Variants in AHI1 observed in about 807,000 individuals in gnomAD.
The protein encoded by AHI1 is jouberin.
Under a neutral mutation model 149.3 loss-of-function variants are expected in AHI1, and 123 were observed. The observed-to-expected ratio is 0.82, with a 90% CI of 0.71 to 0.96. The LOEUF is 0.96. Among genes scored for constraint, AHI1 ranks in the 40% least tolerant of loss-of-function variants. The pLI, the probability that AHI1 is intolerant of heterozygous loss-of-function variation, is 0.00. For missense variants in AHI1, 1,439 were observed against 1,422.7 expected, an observed-to-expected ratio of 1.01 and a Z score of -0.18; for synonymous variants, 475 against 459.8, an observed-to-expected ratio of 1.03 and a Z score of -0.42.
At chr6:135,442,432 A>G (rs1786449710) in intron 14 of AHI1, 150 bp downstream of exon 14, 1 of 822,076 alleles carries the variant, frequency 1.2e-6, no homozygotes, top group Non-Finnish European at 1.7e-6. Context: ...AATTATTACA[A>G]AAGAACTTTC....
chr6:135,317,753 C>T (rs562643783), intron 26 of AHI1, among the ~76,000 whole-genome samples: 15 of 152,156 alleles, frequency 9.9e-5, no homozygotes, highest in South Asian at 8.3e-4. Context: ...GAATGATATA[C>T]GTCAGGTTCA....
At chr6:135,401,998 C>T (rs761865268) in intron 22 of AHI1, among the ~76,000 whole-genome samples, 1 of 151,834 alleles carries the variant, frequency 6.6e-6, no homozygotes, top group African/African-American at 2.4e-5. Context: ...GACAAAAAAT[C>T]CCAATTTTAA....
At chr6:135,481,953 C>T (rs1435612072) in intron 5 of AHI1, among the ~76,000 whole-genome samples, 1 of 151,396 alleles carries the variant, frequency 6.6e-6, no homozygotes, top group Non-Finnish European at 1.5e-5. Context: ...AGTCTGCTGT[C>T]ATTATTCTCC....
In AHI1 at chr6:135,415,187, C is replaced by T. The variant is rs1562712964; in HGVS notation, c.2765-3643G>A. Among the ~76,000 whole-genome samples the T allele has an allele frequency of 3.3e-5, 5 of 151,936 alleles. No individual in the cohort carries two copies. In the South Asian group the frequency reaches 8.3e-4, roughly 25 times the overall value. On this transcript the variant is annotated intron_variant, in intron 20 of 28. Transcript: ENST00000265602. ...CATAGTATTCCATGGTGTATATGTG[C>T]CACATTTTCTTAATCCAGTCTATCA...
intron 7 of AHI1, 99 bp downstream of exon 7, chr6:135,465,715 C>T (rs1436302614): frequency 9.1e-6 from 9 of 992,462 alleles, no homozygotes; most frequent in Admixed American, 3.5e-5. Flanking sequence ...CAAATAAAAG[C>T]GTAAGAATTT....
At chr6:135,330,088 G>A (rs1470816434) in intron 24 of AHI1, among the ~76,000 whole-genome samples, 1 of 152,234 alleles carries the variant, frequency 6.6e-6, no homozygotes, top group Non-Finnish European at 1.5e-5. Context: ...AAGATGCTGT[G>A]ACTCTTGCTG....
chr6:135,465,457 G>A (rs537603107), intron 7 of AHI1, among the ~76,000 whole-genome samples: 4 of 152,128 alleles, frequency 2.6e-5, no homozygotes. Context: ...ACTCAAAAAA[G>A]GGGAAGTAAT....
At chr6:135,471,372 C>T (rs1006360156) in intron 5 of AHI1, among the ~76,000 whole-genome samples, 5 of 152,086 alleles carry the variant, frequency 3.3e-5, no homozygotes, top group African/African-American at 1.2e-4. Context: ...GCATCTCTAC[C>T]TTTCATAGCA....
At chr6:135,480,981 C>G (rs143661900) in intron 5 of AHI1, among the ~76,000 whole-genome samples, 4 of 152,214 alleles carry the variant, frequency 2.6e-5, no homozygotes, top group Admixed American at 6.5e-5. Flanking sequence ...AACCATCCCC[C>G]CCGGCCCACT....
intron 5 of AHI1, among the ~76,000 whole-genome samples, chr6:135,482,749 AAAT>A: frequency 6.6e-6 from 1 of 151,576 alleles, no homozygotes. Context: ...TTCTTTTTTT[AAAT>A]GCCTGGTAGA....
At chr6:135,349,076 C>T (rs1791676602) in intron 24 of AHI1, among the ~76,000 whole-genome samples, 1 of 152,100 alleles carries the variant, frequency 6.6e-6, no homozygotes, top group South Asian at 2.1e-4. Flanking sequence ...TCTTGAACTC[C>T]TGGGCTCAAG....
chr6:135,330,493 A>G (rs1788396136), intron 24 of AHI1, among the ~76,000 whole-genome samples: 1 of 152,248 alleles, frequency 6.6e-6, no homozygotes, highest in Non-Finnish European at 1.5e-5. Context: ...TACATACTTA[A>G]TAGACTACAG....
rs751696699 is a variant in AHI1 at position 135,318,502 on chromosome 6, T to G, written c.3426+17A>C. The stretch of plus-strand genomic sequence containing the variant: ...AATCAAAGTACATATGTAATACGTA[T>G]GCTCAAAAACATTTACCTTTTGAGG... On this transcript the variant is annotated intron_variant, in intron 26 of 28. Coordinates refer to ENST00000265602, the MANE Select transcript of AHI1 (RefSeq NM_001134831.2). The G allele has an allele frequency of 1.3e-6, 2 of 1,494,578 alleles. No individual in the cohort carries two copies. The highest frequency in any genetic ancestry group is 9.2e-7 in the Non-Finnish European group (1 of 1,089,366). The allele number at this position is 1,494,578 out of a possible 1,614,324, so 92.6% of individuals were successfully genotyped here.
rs551136002 is a variant in AHI1, at chr6:135,466,108, G to T, written c.455C>A (p.Ser152Tyr). The T allele has an allele frequency of 3.1e-6, 5 of 1,613,850 alleles. No homozygotes were observed. Among genetic ancestry groups the T allele is most frequent in the Non-Finnish European group, 3.4e-6 (4 of 1,179,850 alleles). Residue 152 changes from serine to tyrosine, a missense_variant, in exon 7 of 29, where the codon TCT (serine) becomes TAT (tyrosine). Coordinates refer to ENST00000265602, the MANE Select transcript of AHI1 (RefSeq NM_001134831.2). Reference sequence around the variant, plus strand: ...CTTTGTATGTGTTTTCTGGTGTGTAGAATCAACCTTATTCTCAGGAGTTTC... The same window carrying T: ...CTTTGTATGTGTTTTCTGGTGTGTATAATCAACCTTATTCTCAGGAGTTTC... ...KPETPENKVD[S>Y]THQKTHTKPQ...
At chr6:135,459,104 T>C (rs1406016813) in intron 8 of AHI1, among the ~76,000 whole-genome samples, 1 of 152,124 alleles carries the variant, frequency 6.6e-6, no homozygotes, top group Non-Finnish European at 1.5e-5. Flanking sequence ...CAAATGAGCA[T>C]GGAATATTTA....
intron 24 of AHI1, among the ~76,000 whole-genome samples, chr6:135,335,909 T>C (rs796921344): frequency 7.9e-5 from 12 of 152,056 alleles, no homozygotes; most frequent in African/African-American, 2.9e-4. Context: ...GGTCAGGAGT[T>C]TGAGACCAGC....
intron 24 of AHI1, among the ~76,000 whole-genome samples, chr6:135,341,889 C>A (rs1790427672): frequency 2.0e-5 from 3 of 151,356 alleles, no homozygotes; most frequent in Admixed American, 6.6e-5. Flanking sequence ...TTACTCTGTA[C>A]CTTAAAATTG....
intron 5 of AHI1, among the ~76,000 whole-genome samples, chr6:135,477,037 CTTTTT>C (rs969980870): frequency 1.4e-5 from 2 of 145,490 alleles, no homozygotes; most frequent in Non-Finnish European, 3.0e-5. Context: ...TCTTTGTCCT[CTTTTT>C]TTTTTTCTTT....
intron 23 of AHI1, among the ~76,000 whole-genome samples, chr6:135,392,664 G>A (rs1778675961): frequency 6.6e-6 from 1 of 152,026 alleles, no homozygotes; most frequent in Non-Finnish European, 1.5e-5. Flanking sequence ...TAGATTATTC[G>A]TACAATCAAC....
Sources: gnomAD v4.1 joint callset for allele counts (sites outside exome capture counted in the v4.1 genomes callset) on GRCh38, gnomAD v4.1.1 for gene constraint, MANE v1.5 for transcripts, NCBI Gene and HGNC (gene_info 2026-07-23, HGNC 2026-07-21) for gene names.